Variants in NBPF12 observed in about 807,000 individuals in gnomAD.
The protein encoded by NBPF12 is NBPF member 12, also known as NBPF family member NBPF12.
In NBPF12, 115 loss-of-function variants were observed where a neutral mutation model predicts 146.4. That is an observed-to-expected ratio of 0.79 (90% confidence interval 0.68 to 0.92). The LOEUF (loss-of-function observed/expected upper bound fraction) is 0.92. Among genes scored for constraint, NBPF12 ranks in the 40% least tolerant of loss-of-function variants. NBPF12 has a pLI of 0.00. For missense variants in NBPF12, 1,205 were observed against 1,326.8 expected (o/e 0.91, Z 1.43); for synonymous variants, 385 against 508.9 (o/e 0.76, Z 3.28).
chr1:146,964,277 A>C (rs1356295121), intron 6 of NBPF12, 80 bp from the exon 10 acceptor site: 41 of 1,584,202 alleles, frequency 2.6e-5, no homozygotes, highest in Non-Finnish European at 3.3e-5. Context: ...ATAGATGTTC[A>C]TGTCTCTGTG....
intron 15 of NBPF12, among the ~76,000 whole-genome samples, 185 bp downstream of exon 18, chr1:146,975,026 G>A (rs1656891979): frequency 8.7e-6 from 1 of 115,058 alleles, no homozygotes; most frequent in Admixed American, 1.0e-4. Flanking sequence ...ATGGGTTGCA[G>A]TTGTTTCTCA....
At chr1:146,992,400 A>G (rs1658225968) in intron 31 of NBPF12, among the ~76,000 whole-genome samples, 1 of 134,242 alleles carries the variant, frequency 7.4e-6, no homozygotes, top group Admixed American at 7.9e-5. Flanking sequence ...TTACTCCCTC[A>G]TCAGTGTGTC....
chr1:146,980,533 T>C (rs1452531030), intron 19 of NBPF12, among the ~76,000 whole-genome samples: 1 of 151,762 alleles, frequency 6.6e-6, no homozygotes, highest in East Asian at 1.9e-4. Context: ...CTCTCAGCAT[T>C]TGCTTCTCTG....
intron 21 of NBPF12, among the ~76,000 whole-genome samples, chr1:146,984,577 C>CTGTGTG (rs1195588193): frequency 0.01 from 1,343 of 132,682 alleles, 34 homozygotes; most frequent in African/African-American, 0.03. Flanking sequence ...TGAGCTCACA[C>CTGTGTG]TGTGTGTGTG....
exon 34 of NBPF12, chr1:146,994,651 T>G: frequency 6.3e-7 from 1 of 1,575,998 alleles, no homozygotes; most frequent in Non-Finnish European, 8.6e-7. Flanking sequence ...AATGAAACTA[T>G]AGTTCCATTT....
chr1:146,962,680 T>C (rs1456018028), intron 5 of NBPF12, among the ~76,000 whole-genome samples: 2 of 150,160 alleles, frequency 1.3e-5, no homozygotes, highest in African/African-American at 4.9e-5. Flanking sequence ...TCTTTTCTTC[T>C]TTCATCTTTT....
intron 1 of NBPF12, among the ~76,000 whole-genome samples, chr1:146,940,993 C>T (rs1334817879): frequency 3.9e-5 from 6 of 152,038 alleles, no homozygotes; most frequent in Admixed American, 6.6e-5. Context: ...TGCATCCTTT[C>T]TAGGATATAT....
chr1:146,943,258 T>C (rs1455716405), intron 1 of NBPF12, 33 bp from the exon 2 acceptor site: 2 of 189,516 alleles, frequency 1.1e-5, no homozygotes, highest in Non-Finnish European at 2.2e-5. Flanking sequence ...CAAATCTCAA[T>C]GTTAACCTTG....
chr1:146,977,869 C>G (rs1221576994), intron 18 of NBPF12, among the ~76,000 whole-genome samples, 198 bp downstream of exon 21: 2 of 151,990 alleles, frequency 1.3e-5, no homozygotes, highest in Admixed American at 1.3e-4. Context: ...GTTACTCGAC[C>G]CCAGGCAAGT....
intron 13 of NBPF12, 58 bp from the exon 17 acceptor site, chr1:146,972,693 A>T (rs1656733555): frequency 6.8e-6 from 9 of 1,323,662 alleles, no homozygotes; most frequent in Non-Finnish European, 3.3e-6. Context: ...GTCCTGATTA[A>T]GCCTATTTCA....
rs587659147 is a variant in NBPF12 at position 146,994,730 on chromosome 1, A to T, written c.*155A>T. ...CTATTCTCAGAGCATGCCAGTGGCAACCTGTGCTCAGTCTGAAGACAATGG... is the reference window on the plus strand; with the variant it reads ...CTATTCTCAGAGCATGCCAGTGGCATCCTGTGCTCAGTCTGAAGACAATGG... On this transcript the variant is annotated 3_prime_UTR_variant, in exon 34 of 34. Coordinates refer to ENST00000617844, the Ensembl canonical transcript of NBPF12. 2.0e-5 allele frequency: 26 copies of T among 1,304,894 alleles called. No individual in the cohort carries two copies. The South Asian group carries it at 3.1e-4, about 16-fold the overall frequency. 80.8% of individuals were successfully genotyped at this position (1,304,894 alleles called of 1,614,324 possible). A position where few individuals can be genotyped will look rare whatever the true frequency, so the allele number is the denominator to read the frequency against.
intron 2 of NBPF12, among the ~76,000 whole-genome samples, chr1:146,954,458 C>A (rs1570826458): frequency 2.2e-5 from 2 of 89,992 alleles, no homozygotes; most frequent in Admixed American, 1.1e-4. Context: ...CCAAAAACTA[C>A]AAAAAATTGC....
chr1:146,956,111 G>A (rs1185322014), intron 2 of NBPF12, among the ~76,000 whole-genome samples: 2 of 151,668 alleles, frequency 1.3e-5, no homozygotes, highest in Admixed American at 1.3e-4. Context: ...CTTCATAATA[G>A]CCCAAACGCG....
At chr1:146,961,555 C>A (rs1655850743) in intron 4 of NBPF12, among the ~76,000 whole-genome samples, 1 of 151,872 alleles carries the variant, frequency 6.6e-6, no homozygotes, top group African/African-American at 2.4e-5. Context: ...TAAATTAACA[C>A]AACTAATCTA....
exon 7 of NBPF12, chr1:146,964,373 G>A (rs1656056758): frequency 1.9e-6 from 3 of 1,603,026 alleles, no homozygotes; most frequent in Non-Finnish European, 2.6e-6. Context: ...ATGAAGATGA[G>A]GATGAAGATG....
intron 19 of NBPF12, among the ~76,000 whole-genome samples, chr1:146,982,492 G>A (rs1286879613): frequency 6.6e-6 from 1 of 151,558 alleles, no homozygotes; most frequent in Non-Finnish European, 1.5e-5. Flanking sequence ...AATTGAAAAA[G>A]TAAATATATT....
exon 32 of NBPF12, chr1:146,992,848 G>A: frequency 4.4e-6 from 3 of 674,298 alleles, no homozygotes; most frequent in South Asian, 1.5e-5. Flanking sequence ...TTATGCATTG[G>A]AGGAAAAACA....
chr1:146,985,250 A>G (rs1421918771), intron 22 of NBPF12, among the ~76,000 whole-genome samples: 3 of 143,458 alleles, frequency 2.1e-5, no homozygotes, highest in Non-Finnish European at 3.1e-5. Context: ...GGCAGATGTG[A>G]CAAATTCACA....
chr1:146,973,905 C>T (rs1309379480), intron 14 of NBPF12, among the ~76,000 whole-genome samples: 7 of 150,392 alleles, frequency 4.7e-5, no homozygotes, highest in African/African-American at 7.5e-5. Context: ...AGATCGCACC[C>T]GAGAATGTGT....
Sources: gnomAD v4.1 joint callset for allele counts (sites outside exome capture counted in the v4.1 genomes callset) on GRCh38, gnomAD v4.1.1 for gene constraint, MANE v1.5 for transcripts, NCBI Gene and HGNC (gene_info 2026-07-23, HGNC 2026-07-21) for gene names.